The following GABRB3 variants were observed in gnomAD, a reference collection of about 807,000 sequenced individuals.
GABRB3 encodes the protein gamma-aminobutyric acid type A receptor subunit beta3.
A neutral mutation model predicts 52.1 loss-of-function variants in GABRB3; 14 were observed. The observed-to-expected ratio is 0.27, with a 90% CI of 0.18 to 0.42. The LOEUF (loss-of-function observed/expected upper bound fraction) is 0.42. Among genes scored for constraint, GABRB3 ranks in the 10% least tolerant of loss-of-function variants. The pLI is 1.00. For synonymous variants in GABRB3, 260 were observed against 232.3 expected (o/e 1.12, Z -1.08); for missense variants, 307 against 609.1 (o/e 0.50, Z 5.22).
chr15:26,629,216 C>A, intron 3 of GABRB3: 1 of 1,431,814 alleles, frequency 7.0e-7, no homozygotes, highest in Non-Finnish European at 9.2e-7. Context: ...CAATCAGGGG[C>A]GGGGCCTGGA....
At chr15:26,644,458 G>A (rs768418730) in intron 3 of GABRB3, among the ~76,000 whole-genome samples, 33 of 152,200 alleles carry the variant, frequency 2.2e-4, no homozygotes, top group Non-Finnish European at 4.4e-4. Flanking sequence ...GGAGGAGGCA[G>A]AGATCAGGGT....
intron 3 of GABRB3, among the ~76,000 whole-genome samples, chr15:26,730,791 C>T (rs182388202): frequency 1.6e-4 from 24 of 152,300 alleles, no homozygotes; most frequent in Admixed American, 1.0e-3. Flanking sequence ...TATGCCATAT[C>T]GCACGAATTG....
At chr15:26,583,490 G>A (rs1407230827) in intron 4 of GABRB3, 76 bp from the exon 5 acceptor site, 19 of 1,237,390 alleles carry the variant, frequency 1.5e-5, no homozygotes, top group South Asian at 2.4e-5. Context: ...TTAGATAAAC[G>A]AGTAAGCCCC....
chr15:26,554,188 ATAC>A (rs1199861207), intron 8 of GABRB3, among the ~76,000 whole-genome samples: 685 of 31,006 alleles, frequency 0.022, 57 homozygotes, highest in African/African-American at 0.1. Flanking sequence ...ATATATATAT[ATAC>A]TATATATATA....
rs990043458 is a variant in GABRB3 at position 26,765,052 on chromosome 15, C to T, written c.240+7350G>A. 2.1e-5 allele frequency among the ~76,000 whole-genome samples: 3 copies of T among 143,394 alleles called. No individual in the cohort carries two copies. The South Asian group carries it at 7.0e-4, about 34-fold the overall frequency. The allele number at this position is 143,394 out of a possible 152,430, so 94.1% of individuals were successfully genotyped here. ...GGCTGAGGCAGGAGAATGGCGTGAA[C>T]CCGGGAGGCAGAGCTTGCAGTGAGC... is the stretch of plus-strand genomic sequence containing the variant. On this transcript the variant is annotated intron_variant, in intron 3 of 8. Coordinates refer to ENST00000311550, the MANE Select transcript of GABRB3 (RefSeq NM_000814.6).
Position 26,621,587 on chromosome 15 carries a change from T to C in GABRB3, c.241-53A>G. The C allele has an allele frequency of 6.8e-7, 1 of 1,467,384 alleles. No individual in the cohort carries two copies. Among genetic ancestry groups the C allele is most frequent in the South Asian group, 1.1e-5 (1 of 87,436 alleles). The allele number at this position is 1,467,384 out of a possible 1,614,324, so 90.9% of individuals were successfully genotyped here. A position where few individuals can be genotyped will look rare whatever the true frequency, so the allele number is the denominator to read the frequency against. ...TAGTTTGTACCCAGCCACAGGTGTA[T>C]TTCCTCCACGACCAGCCAAATTCAG... On this transcript the variant is annotated intron_variant, in intron 3 of 8. Coordinates refer to ENST00000311550, the MANE Select transcript of GABRB3 (RefSeq NM_000814.6). The surrounding 1 kb of genome is among the most constrained non-coding windows in gnomAD (Gnocchi z 4.1).
chr15:26,629,850 A>C (rs1435356724), intron 3 of GABRB3, among the ~76,000 whole-genome samples: 1 of 152,142 alleles, frequency 6.6e-6, no homozygotes, highest in Non-Finnish European at 1.5e-5. Context: ...ATGTGTGTTC[A>C]CCAATACTGA....
At chr15:26,610,880 G>C (rs1369555025) in intron 4 of GABRB3, among the ~76,000 whole-genome samples, 1 of 152,090 alleles carries the variant, frequency 6.6e-6, no homozygotes, top group African/African-American at 2.4e-5. Context: ...TTTTATATTT[G>C]TCTCTGCTAG....
intron 3 of GABRB3, among the ~76,000 whole-genome samples, chr15:26,707,281 T>C (rs989889301): frequency 6.6e-6 from 1 of 152,092 alleles, no homozygotes; most frequent in Non-Finnish European, 1.5e-5. Context: ...GTAAGACCGA[T>C]AGATATTAAA....
At chr15:26,648,630 A>G (rs762125723) in intron 3 of GABRB3, among the ~76,000 whole-genome samples, 98 of 152,304 alleles carry the variant, frequency 6.4e-4, no homozygotes, top group Non-Finnish European at 7.4e-4. Context: ...AGCCAAGAAT[A>G]ATGTGGCAAA....
rs530848822 is a variant in GABRB3 at position 26,686,784 on chromosome 15, T to C, written c.241-65250A>G. The stretch of plus-strand genomic sequence containing the variant: ...AGGCCACAGGGCACCCGGCGTGGGA[T>C]GCCATCCAGGAGTCGCTGTGAATGG... On this transcript the variant is annotated intron_variant, in intron 3 of 8. Coordinates refer to ENST00000311550, the MANE Select transcript of GABRB3 (RefSeq NM_000814.6). Among the ~76,000 whole-genome samples, 8 of 152,374 alleles carry C rather than the reference T, an allele frequency of 5.3e-5. No individual in the cohort carries two copies. In the East Asian group the frequency reaches 1.4e-3, roughly 26 times the overall value.
intron 3 of GABRB3, among the ~76,000 whole-genome samples, chr15:26,742,986 G>A (rs942916774): frequency 5.8e-5 from 8 of 136,986 alleles, no homozygotes; most frequent in African/African-American, 2.2e-4. Flanking sequence ...CGGGAGTGCA[G>A]TTGTAGGATC....
Position 26,695,730 on chromosome 15 carries a change from T to C in GABRB3, c.241-74196A>G, listed in dbSNP as rs553053127. ...CCTAATTCTTAATTGATCTAACAAA[T>C]AACTGTTCAAAATGATAATAGCAAC... On this transcript the variant is annotated intron_variant, in intron 3 of 8. Transcript: ENST00000311550. 1.2e-4 allele frequency among the ~76,000 whole-genome samples: 18 copies of C among 152,216 alleles called. 1 individual carries two copies. The highest frequency in any genetic ancestry group is 4.3e-4 in the African/African-American group (18 of 41,550).
chr15:26,738,355 T>C (rs1890119440), intron 3 of GABRB3, among the ~76,000 whole-genome samples: 1 of 152,152 alleles, frequency 6.6e-6, no homozygotes, highest in South Asian at 2.1e-4. Context: ...AATGCTGGGA[T>C]TACAGGCATG....
At chr15:26,558,510 T>C (rs989941238) in intron 8 of GABRB3, among the ~76,000 whole-genome samples, 2 of 152,224 alleles carry the variant, frequency 1.3e-5, no homozygotes, top group African/African-American at 4.8e-5. Context: ...TTTGGATCTG[T>C]GTCCCTGCCC....
intron 3 of GABRB3, among the ~76,000 whole-genome samples, chr15:26,630,768 C>G (rs1393670609): frequency 6.6e-6 from 1 of 152,196 alleles, no homozygotes; most frequent in Non-Finnish European, 1.5e-5. Flanking sequence ...TACAATCTCT[C>G]TCAGTATTGG....
At chr15:26,574,029 C>T (rs191766157) in intron 6 of GABRB3, among the ~76,000 whole-genome samples, 53 of 152,054 alleles carry the variant, frequency 3.5e-4, no homozygotes, top group Non-Finnish European at 4.4e-4. Context: ...CCAGCCCGGG[C>T]GACAGACTAA....
intron 3 of GABRB3, among the ~76,000 whole-genome samples, chr15:26,713,123 G>A (rs1227499971): frequency 6.6e-6 from 1 of 152,180 alleles, no homozygotes; most frequent in Non-Finnish European, 1.5e-5. Flanking sequence ...GCAAGGACGA[G>A]GAAACGGTCG....
intron 3 of GABRB3, among the ~76,000 whole-genome samples, chr15:26,706,271 C>T (rs779851060): frequency 2.0e-5 from 3 of 152,074 alleles, no homozygotes; most frequent in Admixed American, 6.6e-5. Flanking sequence ...CCTCATGCAA[C>T]GAAACAACCA....
Sources: allele counts gnomAD v4.1 joint callset (sites outside exome capture counted in the v4.1 genomes callset), GRCh38; gene constraint gnomAD v4.1.1; non-coding constraint Gnocchi (gnomAD v3.1); transcripts MANE v1.5; gene names NCBI Gene and HGNC (gene_info 2026-07-23, HGNC 2026-07-21).